The following PCDHA2 variants were observed in gnomAD, a reference collection of about 807,000 sequenced individuals.
The protein encoded by PCDHA2 is protocadherin alpha 2, also known as protocadherin alpha-2.
A neutral mutation model predicts 66.0 loss-of-function variants in PCDHA2; 58 were observed. The observed-to-expected ratio is 0.88, with a 90% CI of 0.71 to 1.09. PCDHA2 has a LOEUF of 1.09. PCDHA2 is among the 50% of genes least tolerant of loss of function. The pLI, the probability that PCDHA2 is intolerant of heterozygous loss-of-function variation, is 0.00. For synonymous variants in PCDHA2, 634 were observed against 554.0 expected, an observed-to-expected ratio of 1.14 and a Z score of -2.03; for missense variants, 1,267 against 1,242.3, an observed-to-expected ratio of 1.02 and a Z score of -0.30.
At chr5:140,900,290 G>GT (rs1292990700) in intron 1 of PCDHA2, among the ~76,000 whole-genome samples, 2 of 151,548 alleles carry the variant, frequency 1.3e-5, no homozygotes, top group Non-Finnish European at 2.9e-5. Context: ...TTTCTTTTCT[G>GT]TTTTTTTAGA....
chr5:140,982,416 A>C, intron 2 of PCDHA2, 59 bp from the exon 3 acceptor site: 1 of 1,610,294 alleles, frequency 6.2e-7, no homozygotes, highest in Non-Finnish European at 8.5e-7. Context: ...TGAGGGTGGA[A>C]GAAGAGATGG....
At chr5:140,994,733 C>G (rs2097647887) in intron 3 of PCDHA2, among the ~76,000 whole-genome samples, 1 of 152,034 alleles carries the variant, frequency 6.6e-6, no homozygotes, top group Non-Finnish European at 1.5e-5. Context: ...CTGGGTATTG[C>G]AGGATGGCAA....
At chr5:140,801,494 C>A in intron 1 of PCDHA2, 1 of 1,614,120 alleles carries the variant, frequency 6.2e-7, no homozygotes, top group South Asian at 1.1e-5. Flanking sequence ...GCGGGCGGAG[C>A]GCGGAGTGCA....
In PCDHA2 at chr5:140,868,951, A is replaced by G; in HGVS notation, c.2388+71599A>G. On this transcript the variant is annotated intron_variant, in intron 1 of 3. Transcript: ENST00000526136. ...TAAAGGTTGGTCTGAACAGTGAGGC[A>G]CTCCCATACAAAGGAACTCCATCAT... 4.5e-6 allele frequency: 6 copies of G among 1,321,586 alleles called. No individual in the cohort carries two copies. The South Asian group carries it at 7.6e-5, about 17-fold the overall frequency. The allele number at this position is 1,321,586 out of a possible 1,614,324, so 81.9% of individuals were successfully genotyped here. A position where few individuals can be genotyped will look rare whatever the true frequency, so the allele number is the denominator to read the frequency against.
At chr5:140,832,877 A>T (rs1281043082) in intron 1 of PCDHA2, among the ~76,000 whole-genome samples, 1 of 152,210 alleles carries the variant, frequency 6.6e-6, no homozygotes, top group Non-Finnish European at 1.5e-5. Context: ...TACTGGTTAT[A>T]AAATGGAAAG....
rs1562160438 is a variant in PCDHA2, at chr5:140,796,488, T to TTCGG, written c.1526_1529dup (p.His511GlyfsTer60). On this transcript the variant is annotated frameshift_variant, in exon 1 of 4. Coordinates refer to ENST00000526136, the MANE Select transcript of PCDHA2 (RefSeq NM_018905.3). LOFTEE classifies it high-confidence loss of function. ...GCGAGCGCGCGTTGTCGAGCTACGTTTCGGTGCACGCGGAGAGCGGCAAGG... is the reference window on the plus strand; with the variant it reads ...GCGAGCGCGCGTTGTCGAGCTACGTTTCGGTCGGTGCACGCGGAGAGCGGCAAGG... 6.2e-7 allele frequency: 1 copy of TTCGG among 1,612,270 alleles called. No individual in the cohort carries two copies. Among genetic ancestry groups the TTCGG allele is most frequent in the Admixed American group, 1.7e-5 (1 of 60,008 alleles).
chr5:141,001,435 A>G (rs1377491641), intron 3 of PCDHA2, among the ~76,000 whole-genome samples: 4 of 152,202 alleles, frequency 2.6e-5, no homozygotes, highest in African/African-American at 7.2e-5. Flanking sequence ...TTCCATGGAA[A>G]AGTCTTTCCA....
At chr5:140,843,773 T>A in intron 1 of PCDHA2, 1 of 1,456,190 alleles carries the variant, frequency 6.9e-7, no homozygotes. Context: ...GTAGTTACTT[T>A]AAAAGTGTTT....
Position 140,855,947 on chromosome 5 carries a change from T to A in PCDHA2, c.2388+58595T>A. On this transcript the variant is annotated intron_variant, in intron 1 of 3. Transcript: ENST00000526136. Reference sequence around the variant, plus strand: ...TAGCGTCATTCTGAGATCTCAGCCATTTCGATAAAAAATAGATATAAGAAA... The same window carrying A: ...TAGCGTCATTCTGAGATCTCAGCCAATTCGATAAAAAATAGATATAAGAAA... 2.9e-6 allele frequency: 4 copies of A among 1,358,712 alleles called. No homozygotes were observed. In the Admixed American group the frequency reaches 7.1e-5, roughly 24 times the overall value. The allele number at this position is 1,358,712 out of a possible 1,614,324, so 84.2% of individuals were successfully genotyped here. A position where few individuals can be genotyped will look rare whatever the true frequency, so the allele number is the denominator to read the frequency against.
At chr5:140,963,146 T>C (rs1230280019) in intron 1 of PCDHA2, among the ~76,000 whole-genome samples, 2 of 152,074 alleles carry the variant, frequency 1.3e-5, no homozygotes, top group African/African-American at 4.8e-5. Flanking sequence ...TTTGGATGAA[T>C]TTAAAAATGA....
At chr5:140,828,147 T>C (rs1554131033) in intron 1 of PCDHA2, 4 of 1,614,128 alleles carry the variant, frequency 2.5e-6, no homozygotes, top group African/African-American at 1.3e-5. Context: ...CTCCCGCTTC[T>C]GCTCCTCGCA....
At chr5:140,933,527 A>G (rs1324786303) in intron 1 of PCDHA2, among the ~76,000 whole-genome samples, 1 of 152,060 alleles carries the variant, frequency 6.6e-6, no homozygotes, top group African/African-American at 2.4e-5. Flanking sequence ...TTTTGTTTAA[A>G]CTCAAAATAA....
chr5:140,805,460 T>C, intron 1 of PCDHA2: 1 of 1,017,676 alleles, frequency 9.8e-7, no homozygotes, highest in Non-Finnish European at 1.2e-6. Flanking sequence ...TTTGTGTGAG[T>C]GTAGTTCTTC....
intron 1 of PCDHA2, among the ~76,000 whole-genome samples, chr5:140,950,272 C>G (rs928839890): frequency 2.0e-5 from 3 of 151,950 alleles, no homozygotes; most frequent in Non-Finnish European, 4.4e-5. Flanking sequence ...TCCATAATGT[C>G]TTTTTGCTTC....
intron 3 of PCDHA2, among the ~76,000 whole-genome samples, chr5:140,997,260 T>G (rs1364203100): frequency 6.6e-6 from 1 of 152,196 alleles, no homozygotes; most frequent in Admixed American, 6.5e-5. Flanking sequence ...GGTTCACTCT[T>G]CCAAATATTT....
At chr5:140,878,225 A>G (rs1554170330) in intron 1 of PCDHA2, 1 of 156,262 alleles carries the variant, frequency 6.4e-6, no homozygotes, top group Non-Finnish European at 1.4e-5. Context: ...CCTAGATCCC[A>G]TTAATGGATT....
intron 2 of PCDHA2, 80 bp downstream of exon 2, chr5:140,979,087 A>C (rs1284249394): frequency 6.4e-7 from 1 of 1,561,170 alleles, no homozygotes; most frequent in Non-Finnish European, 8.7e-7. Flanking sequence ...CATAGGCCAG[A>C]AGCAGCTGTC....
chr5:140,829,838 C>T (rs2150175831), intron 1 of PCDHA2: 21 of 1,613,806 alleles, frequency 1.3e-5, no homozygotes, highest in East Asian at 6.7e-5. Context: ...GCTGGTGCCG[C>T]GGTCACTGGG....
intron 1 of PCDHA2, chr5:140,884,124 G>C: frequency 6.2e-7 from 1 of 1,613,344 alleles, no homozygotes; most frequent in Non-Finnish European, 8.5e-7. Flanking sequence ...GTCGGCGCGC[G>C]CATCCCGTTC....
Sources: allele counts gnomAD v4.1 joint callset (sites outside exome capture counted in the v4.1 genomes callset), GRCh38; gene constraint gnomAD v4.1.1; transcripts MANE v1.5; gene names NCBI Gene and HGNC (gene_info 2026-07-23, HGNC 2026-07-21).